ANK2: variants seen among roughly 807,000 people sequenced by gnomAD.
ANK2 encodes the protein ankyrin 2.
In ANK2, 83 loss-of-function variants were observed where a neutral mutation model predicts 360.5. That is an observed-to-expected ratio of 0.23 (90% CI 0.19 to 0.28). The LOEUF (loss-of-function observed/expected upper bound fraction) is 0.28. ANK2 is among the 10% of genes least tolerant of loss of function. ANK2 has a pLI of 1.00. For synonymous variants in ANK2, 1,740 were observed against 1,759.5 expected, an observed-to-expected ratio of 0.99 and a Z score of 0.28; for missense variants, 4,201 against 4,795.7, an observed-to-expected ratio of 0.88 and a Z score of 3.66.
intron 8 of ANK2, 75 bp from the exon 9 acceptor site, chr4:113,242,036 G>A (rs879115067): frequency 8.6e-7 from 1 of 1,167,258 alleles, no homozygotes; most frequent in South Asian, 1.2e-5. Context: ...CTTCCTTTGT[G>A]GCCTTTAACA....
chr4:113,373,706 G>A, intron 45 of ANK2: 1 of 630,196 alleles, frequency 1.6e-6, no homozygotes, highest in Non-Finnish European at 2.9e-6. Context: ...TTTAATTCAT[G>A]GTTGACCACT....
intron 45 of ANK2, among the ~76,000 whole-genome samples, chr4:113,381,102 CAA>C (rs2097157275): frequency 6.6e-6 from 1 of 152,058 alleles, no homozygotes; most frequent in Admixed American, 6.5e-5. Flanking sequence ...CAGAATTAAC[CAA>C]ACTCTATTAA....
the ANK2 span, among the ~76,000 whole-genome samples, chr4:112,716,762 C>CT: frequency 1.3e-5 from 2 of 151,868 alleles, no homozygotes; most frequent in Non-Finnish European, 2.9e-5. Context: ...TTTTATTGTA[C>CT]TTTTTTTTAA....
chr4:112,885,307 T>G (rs1353263167), intron 1 of ANK2, among the ~76,000 whole-genome samples: 2 of 150,754 alleles, frequency 1.3e-5, no homozygotes, highest in Non-Finnish European at 3.0e-5. Flanking sequence ...GAGACCAGCC[T>G]GGCCAACATG....
At chr4:113,253,112 G>A (rs192315736) in intron 10 of ANK2, among the ~76,000 whole-genome samples, 207 of 152,288 alleles carry the variant, frequency 1.4e-3, no homozygotes, top group Middle Eastern at 6.8e-3. Flanking sequence ...ATGACTTGGA[G>A]CCCATGTAGT....
At chr4:113,219,347 C>A (rs1055988438) in intron 4 of ANK2, among the ~76,000 whole-genome samples, 1 of 151,716 alleles carries the variant, frequency 6.6e-6, no homozygotes, top group Admixed American at 6.6e-5. Context: ...GGTACAACAA[C>A]TGTAAAATTT....
intron 2 of ANK2, among the ~76,000 whole-genome samples, chr4:112,906,469 A>G (rs1350068215): frequency 6.6e-6 from 1 of 152,204 alleles, no homozygotes; most frequent in Non-Finnish European, 1.5e-5. Flanking sequence ...AGTCTTGAAC[A>G]TGTTTACATT....
At chr4:112,813,621 G>A (rs893169376), upstream of ANK2, among the ~76,000 whole-genome samples, 5 of 151,804 alleles carry the variant, frequency 3.3e-5, no homozygotes, top group Admixed American at 6.6e-5. Context: ...CTGCAGCCTC[G>A]ACCTCCCAGG....
At chr4:112,856,169 A>G (rs1321215294) in intron 1 of ANK2, among the ~76,000 whole-genome samples, 1 of 152,178 alleles carries the variant, frequency 6.6e-6, no homozygotes, top group Admixed American at 6.5e-5. Context: ...ACATCCTTAG[A>G]CAACTTGTTT....
At chr4:113,190,477 T>TG (rs2153354432) in intron 2 of ANK2, among the ~76,000 whole-genome samples, 1 of 148,802 alleles carries the variant, frequency 6.7e-6, no homozygotes, top group African/African-American at 2.6e-5. Context: ...TTCATTTTAA[T>TG]GTTTTTTTTT....
At chr4:112,958,746 A>G (rs2154259024) in intron 2 of ANK2, among the ~76,000 whole-genome samples, 1 of 152,306 alleles carries the variant, frequency 6.6e-6, no homozygotes, top group East Asian at 1.9e-4. Context: ...ATGATGCATT[A>G]TTAAGATATG....
chr4:112,783,807 G>A, the ANK2 span, among the ~76,000 whole-genome samples: 1 of 151,802 alleles, frequency 6.6e-6, no homozygotes, highest in East Asian at 1.9e-4. Flanking sequence ...CCGCCACCAC[G>A]TCCAGCTAAT....
chr4:113,023,156 T>A (rs541336290), intron 2 of ANK2, among the ~76,000 whole-genome samples: 1 of 152,308 alleles, frequency 6.6e-6, no homozygotes, highest in Non-Finnish European at 1.5e-5. Flanking sequence ...AAAACTAGGT[T>A]GAGTATGAAT....
intron 11 of ANK2, among the ~76,000 whole-genome samples, chr4:113,256,296 A>G (rs537106291): frequency 6.6e-6 from 1 of 152,362 alleles, no homozygotes; most frequent in African/African-American, 2.4e-5. Context: ...CACGAGTATG[A>G]AAAGTTGAAT....
intron 15 of ANK2, among the ~76,000 whole-genome samples, chr4:113,276,794 C>T (rs2060405423): frequency 6.6e-6 from 1 of 152,136 alleles, no homozygotes; most frequent in African/African-American, 2.4e-5. Context: ...GGCAATATTG[C>T]TTCTTGGGGG....
At chr4:112,996,027 T>C (rs2154281477) in intron 2 of ANK2, among the ~76,000 whole-genome samples, 1 of 152,356 alleles carries the variant, frequency 6.6e-6, no homozygotes, top group Middle Eastern at 3.4e-3. Context: ...TCTATGCAGA[T>C]ACTTATAGCA....
intron 2 of ANK2, among the ~76,000 whole-genome samples, chr4:112,946,091 A>G (rs1441108517): frequency 6.6e-6 from 1 of 152,092 alleles, no homozygotes; most frequent in Admixed American, 6.5e-5. Flanking sequence ...TAAATTAGTG[A>G]TTTTCTGGGC....
Position 112,918,441 on chromosome 4 carries a change from G to A in ANK2, c.21+13927G>A, listed in dbSNP as rs572020009. On this transcript the variant is annotated intron_variant, in intron 2 of 30. Transcript: ENST00000503271. Reference sequence around the variant, plus strand: ...ATCAAGTCACCTTCCCAGATTTGCCGCACCCACTCTCACTCTGAAAGTAAG... The same window carrying A: ...ATCAAGTCACCTTCCCAGATTTGCCACACCCACTCTCACTCTGAAAGTAAG... Among the ~76,000 whole-genome samples, 8 of 152,206 alleles carry A rather than the reference G, an allele frequency of 5.3e-5. No homozygotes were observed. In the East Asian group the frequency reaches 7.7e-4, roughly 15 times the overall value.
At chr4:113,323,506 G>A (rs953080322) in intron 26 of ANK2, among the ~76,000 whole-genome samples, 8 of 152,058 alleles carry the variant, frequency 5.3e-5, no homozygotes, top group South Asian at 2.1e-4. Context: ...TTTGTTAAAC[G>A]CCCTCATAAG....
Sources: gnomAD v4.1 joint callset for allele counts (sites outside exome capture counted in the v4.1 genomes callset) on GRCh38, gnomAD v4.1.1 for gene constraint, MANE v1.5 for transcripts, NCBI Gene and HGNC (gene_info 2026-07-23, HGNC 2026-07-21) for gene names.